Variants in GRIK4 observed in about 807,000 individuals in gnomAD.
GRIK4 encodes the protein glutamate receptor ionotropic, kainate 4.
GRIK4 carries 40 observed loss-of-function variants against 104.9 expected under a neutral mutation model. The observed-to-expected ratio is 0.38, with a 90% confidence interval of 0.30 to 0.50. The LOEUF is 0.50. GRIK4 is among the 20% of genes least tolerant of loss of function. GRIK4 has a pLI of 0.93. For missense variants in GRIK4, 1,047 were observed against 1,308.1 expected, an observed-to-expected ratio of 0.80 and a Z score of 3.08; for synonymous variants, 485 against 524.9, an observed-to-expected ratio of 0.92 and a Z score of 1.04.
chr11:120,831,742 C>T (rs1953432113), intron 6 of GRIK4, 110 bp from the exon 7 acceptor site: 6 of 740,438 alleles, frequency 8.1e-6, no homozygotes, highest in Middle Eastern at 2.6e-4. Flanking sequence ...TGGGGCCAGA[C>T]CCCCCGACCC....
chr11:120,845,400 G>C (rs967129104), intron 8 of GRIK4, among the ~76,000 whole-genome samples: 2 of 152,178 alleles, frequency 1.3e-5, no homozygotes, highest in African/African-American at 4.8e-5. Context: ...CCTGAGGGTT[G>C]TTAGTAAATA....
intron 1 of GRIK4, among the ~76,000 whole-genome samples, chr11:120,630,350 A>C (rs1949319026): frequency 1.3e-5 from 2 of 152,234 alleles, no homozygotes; most frequent in Non-Finnish European, 2.9e-5. Flanking sequence ...GTGTTTCTGA[A>C]AGCAGAAAGA....
At position 120,982,165 on chromosome 11, in the gene GRIK4, G is replaced by T; in HGVS notation, c.2455G>T (p.Ala819Ser). Residue 819 changes from alanine (A) to serine (S), a missense_variant, in exon 20 of 21, where the codon GCC becomes TCC. Ala to Ser is a moderately conservative substitution (Grantham distance 99). Transcript: ENST00000527524. ...GGTTCTTATTTGTGGCTTAATCGTG[G>T]CCATTTTTATGGCTATGTTGGAGTT... ...FVVLICGLIV[A>S]IFMAMLEFLW... 3.1e-6 allele frequency: 5 copies of T among 1,613,608 alleles called. No homozygotes were observed. Among genetic ancestry groups the T allele is most frequent in the Non-Finnish European group, 4.2e-6 (5 of 1,179,534 alleles).
intron 3 of GRIK4, among the ~76,000 whole-genome samples, chr11:120,696,216 C>T (rs548437528): frequency 5.9e-5 from 9 of 152,124 alleles, no homozygotes; most frequent in South Asian, 4.1e-4. Flanking sequence ...GAGTGCAGAG[C>T]GAGAGGAAGA....
intron 11 of GRIK4, among the ~76,000 whole-genome samples, chr11:120,880,670 C>T (rs777045395): frequency 2.0e-5 from 3 of 152,216 alleles, no homozygotes; most frequent in Non-Finnish European, 2.9e-5. Context: ...CCCAGCCTCT[C>T]CTTGAGCATG....
At chr11:120,763,769 AATT>A (rs1951788498) in intron 3 of GRIK4, among the ~76,000 whole-genome samples, 1 of 152,134 alleles carries the variant, frequency 6.6e-6, no homozygotes, top group African/African-American at 2.4e-5. Flanking sequence ...TGAGTTTCTT[AATT>A]CTGAGTTCTA....
chr11:120,849,627 A>G (rs774588970), intron 8 of GRIK4, among the ~76,000 whole-genome samples: 25 of 152,300 alleles, frequency 1.6e-4, no homozygotes, highest in Non-Finnish European at 2.8e-4. Flanking sequence ...AACACTGCAA[A>G]GTGGGTGTTC....
rs187801316 is a variant in GRIK4, at chr11:120,561,807, C to A, written c.-159+49920C>A. 2.0e-3 allele frequency among the ~76,000 whole-genome samples: 306 copies of A among 152,334 alleles called. 1 individual carries two copies. The highest frequency in any genetic ancestry group is 7.1e-3 in the African/African-American group (296 of 41,566). ...AAGCCACCTTCAGTCTTAGCTGTTT[C>A]TTTTTCCTGCCTTCTCCTCCAGTCA... On this transcript the variant is annotated intron_variant, in intron 1 of 20. Coordinates refer to ENST00000527524, the MANE Select transcript of GRIK4 (RefSeq NM_014619.5).
intron 1 of GRIK4, among the ~76,000 whole-genome samples, chr11:120,613,199 T>A (rs1280369191): frequency 2.6e-5 from 4 of 152,334 alleles, no homozygotes; most frequent in Admixed American, 1.3e-4. Context: ...GCTGCTTAGC[T>A]GATTGGCCTT....
intron 1 of GRIK4, chr11:120,620,052 T>G (rs917030085): frequency 1.6e-6 from 1 of 640,456 alleles, no homozygotes. Flanking sequence ...ACGTGCATAC[T>G]TTTGATAGCA....
chr11:120,831,549 A>AG, intron 6 of GRIK4, among the ~76,000 whole-genome samples: 1 of 152,072 alleles, frequency 6.6e-6, no homozygotes, highest in Non-Finnish European at 1.5e-5. Context: ...GGTGGTGGGG[A>AG]GGAGGGGGGA....
intron 2 of GRIK4, among the ~76,000 whole-genome samples, chr11:120,658,682 C>T (rs543535642): frequency 1.8e-4 from 26 of 147,050 alleles, no homozygotes; most frequent in African/African-American, 6.5e-4. Context: ...CAAGCCTTTG[C>T]CCATTTTCCT....
chr11:120,526,662 A>AT (rs2136077917), intron 1 of GRIK4, among the ~76,000 whole-genome samples: 1 of 152,256 alleles, frequency 6.6e-6, no homozygotes, highest in South Asian at 2.1e-4. Context: ...GTGAAACCCC[A>AT]TCTCCCCTAA....
At chr11:120,652,874 C>T (rs950238834) in intron 1 of GRIK4, among the ~76,000 whole-genome samples, 5 of 152,094 alleles carry the variant, frequency 3.3e-5, no homozygotes, top group Non-Finnish European at 5.9e-5. Context: ...ACAACTGGGC[C>T]GATGGAGTCC....
At chr11:120,859,894 G>C (rs561851989) in intron 8 of GRIK4, among the ~76,000 whole-genome samples, 2 of 152,350 alleles carry the variant, frequency 1.3e-5, no homozygotes, top group East Asian at 3.9e-4. Flanking sequence ...AAGGAAGCTT[G>C]GTACCTCCAG....
chr11:120,615,498 C>G (rs1949099844), intron 1 of GRIK4, among the ~76,000 whole-genome samples: 1 of 152,234 alleles, frequency 6.6e-6, no homozygotes, highest in African/African-American at 2.4e-5. Flanking sequence ...TAGCCCCTCA[C>G]CCTTTGATGA....
At position 120,928,335 on chromosome 11, in the gene GRIK4, T is replaced by C. The variant is rs191940933; in HGVS notation, c.1477-12012T>C. Among the ~76,000 whole-genome samples, 12 of 151,968 alleles carry C rather than the reference T, an allele frequency of 7.9e-5. No homozygotes were observed. The East Asian group carries it at 2.3e-3, about 29-fold the overall frequency. ...GGATTGTAAGAAGCAGGACCTCACA[T>C]GAGCTCTGTTTACACAGGGAGTTGA... is the stretch of plus-strand genomic sequence containing the variant. On this transcript the variant is annotated intron_variant, in intron 13 of 20. Transcript: ENST00000527524.
intron 1 of GRIK4, among the ~76,000 whole-genome samples, chr11:120,600,515 CTT>C (rs1343172214): frequency 6.6e-6 from 1 of 152,150 alleles, no homozygotes; most frequent in African/African-American, 2.4e-5. Flanking sequence ...TTGTTCTGCT[CTT>C]TGAACAGAGG....
At chr11:120,537,665 A>G (rs921384152) in intron 1 of GRIK4, among the ~76,000 whole-genome samples, 5 of 152,168 alleles carry the variant, frequency 3.3e-5, no homozygotes, top group African/African-American at 1.2e-4. Context: ...GCGGGCGATC[A>G]TGGTGCACTG....
Sources: gnomAD v4.1 joint callset for allele counts (sites outside exome capture counted in the v4.1 genomes callset) on GRCh38, gnomAD v4.1.1 for gene constraint, MANE v1.5 for transcripts, NCBI Gene and HGNC (gene_info 2026-07-23, HGNC 2026-07-21) for gene names.